Variants in KAZN observed in about 807,000 individuals in gnomAD.
KAZN encodes kazrin.
A neutral mutation model predicts 87.4 loss-of-function variants in KAZN; 40 were observed. The observed-to-expected ratio is 0.46, with a 90% CI of 0.36 to 0.60. The LOEUF (loss-of-function observed/expected upper bound fraction) is 0.60, where lower values mean the gene tolerates loss of function less well. KAZN is among the 20% of genes least tolerant of loss of function. KAZN has a pLI of 0.00. For synonymous variants in KAZN, 466 were observed against 458.3 expected (o/e 1.02, Z -0.22); for missense variants, 898 against 1,073.9 (o/e 0.84, Z 2.29).
At chr1:13,976,377 T>G in intron 1 of KAZN, among the ~76,000 whole-genome samples, 1 of 152,134 alleles carries the variant, frequency 6.6e-6, no homozygotes, top group East Asian at 1.9e-4. Flanking sequence ...ACTCATCAGA[T>G]GAAATGACCT....
At chr1:14,494,720 C>T (rs1397817866) in intron 2 of KAZN, among the ~76,000 whole-genome samples, 1 of 152,318 alleles carries the variant, frequency 6.6e-6, no homozygotes, top group South Asian at 2.1e-4. Context: ...CTCCAGGAAG[C>T]ATTGTTTTTT....
chr1:14,931,004 C>G (rs1354779465), intron 1 of KAZN, among the ~76,000 whole-genome samples: 1 of 152,134 alleles, frequency 6.6e-6, no homozygotes, highest in African/African-American at 2.4e-5. Flanking sequence ...ATGCAGAGCC[C>G]TGAGAGGGAA....
intron 8 of KAZN, among the ~76,000 whole-genome samples, chr1:15,087,354 C>T (rs564232482): frequency 1.0e-4 from 15 of 150,238 alleles, no homozygotes; most frequent in South Asian, 2.1e-4. Context: ...TTTTTTCTAC[C>T]GTCTTCAAAC....
intron 1 of KAZN, among the ~76,000 whole-genome samples, chr1:13,945,535 A>T (rs1641107447): frequency 6.6e-6 from 1 of 151,600 alleles, no homozygotes; most frequent in African/African-American, 2.4e-5. Context: ...AAAAAAAAAA[A>T]GTTCTGTGCA....
intron 1 of KAZN, among the ~76,000 whole-genome samples, chr1:13,922,639 C>T (rs1570285234): frequency 6.6e-6 from 1 of 152,118 alleles, no homozygotes; most frequent in South Asian, 2.1e-4. Flanking sequence ...GCTGGGGTTT[C>T]CTTCTCTCCC....
chr1:14,664,325 C>G (rs536771140), intron 1 of KAZN, among the ~76,000 whole-genome samples: 14 of 152,148 alleles, frequency 9.2e-5, no homozygotes, highest in Admixed American at 2.6e-4. Context: ...CCCAGCTACT[C>G]GGGAGGCTGA....
At chr1:14,572,399 A>G (rs1674925086) in intron 2 of KAZN, among the ~76,000 whole-genome samples, 1 of 152,188 alleles carries the variant, frequency 6.6e-6, no homozygotes, top group Non-Finnish European at 1.5e-5. Flanking sequence ...GGCAATCCCC[A>G]GTCCTTGAGG....
At chr1:14,336,338 A>C (rs771201231) in intron 2 of KAZN, among the ~76,000 whole-genome samples, 1 of 152,238 alleles carries the variant, frequency 6.6e-6, no homozygotes, top group Non-Finnish European at 1.5e-5. Flanking sequence ...CATCATATAA[A>C]TATATCACTG....
intron 1 of KAZN, among the ~76,000 whole-genome samples, chr1:14,647,284 A>G (rs1206879792): frequency 1.3e-5 from 2 of 152,194 alleles, no homozygotes; most frequent in Admixed American, 6.5e-5. Context: ...AAAGAAATCA[A>G]AACCCACACG....
intron 1 of KAZN, among the ~76,000 whole-genome samples, chr1:14,867,724 A>ATCC (rs35065469): frequency 5.3e-4 from 57 of 107,460 alleles, no homozygotes; most frequent in African/African-American, 1.2e-3. Flanking sequence ...CTTTGAAGAC[A>ATCC]CCCCCCCCCC....
chr1:14,981,631 G>T (rs912466927), intron 2 of KAZN, among the ~76,000 whole-genome samples: 1 of 152,212 alleles, frequency 6.6e-6, no homozygotes, highest in Non-Finnish European at 1.5e-5. Context: ...GGAGCCCTGC[G>T]CTAAGCTGCA....
intron 1 of KAZN, among the ~76,000 whole-genome samples, chr1:14,692,845 ATCGCTTGAATCTGGGAGGTGGAGG>A (rs1266452185): frequency 6.6e-6 from 1 of 152,208 alleles, no homozygotes; most frequent in African/African-American, 2.4e-5. Context: ...AGGCATGAGA[ATCGCTTGAATCTGGGAGGTGGAGG>A]TTGCAGTAAG....
intron 2 of KAZN, among the ~76,000 whole-genome samples, chr1:14,538,726 A>G (rs1341690134): frequency 6.6e-6 from 1 of 152,242 alleles, no homozygotes; most frequent in Non-Finnish European, 1.5e-5. Context: ...ATGATTTTAT[A>G]AGGCTACAGG....
chr1:13,910,575 C>T, intron 1 of KAZN, among the ~76,000 whole-genome samples: 1 of 151,972 alleles, frequency 6.6e-6, no homozygotes, highest in East Asian at 2.0e-4. Context: ...TTCCTGGCTC[C>T]CCATTTGCCT....
chr1:14,027,204 C>T (rs963030286), intron 1 of KAZN, among the ~76,000 whole-genome samples: 1 of 152,166 alleles, frequency 6.6e-6, no homozygotes, highest in Non-Finnish European at 1.5e-5. Flanking sequence ...ATCCCATGCT[C>T]AAAGCACCGC....
At chr1:14,867,729 C>CG (rs1353396402) in intron 1 of KAZN, among the ~76,000 whole-genome samples, 6 of 118,634 alleles carry the variant, frequency 5.1e-5, no homozygotes, top group Admixed American at 3.4e-4. Flanking sequence ...AAGACACCCC[C>CG]CCCCCCACCC....
intron 2 of KAZN, among the ~76,000 whole-genome samples, chr1:15,026,044 T>C (rs773163457): frequency 6.6e-6 from 1 of 152,162 alleles, no homozygotes; most frequent in Non-Finnish European, 1.5e-5. Flanking sequence ...AATAAACTGC[T>C]GTCCGCCCAT....
At position 14,236,614 on chromosome 1, in the gene KAZN, A is replaced by T. The variant is rs944763068; in HGVS notation, c.249+56022A>T. The stretch of plus-strand genomic sequence containing the variant: ...TGACTTGAAGCTAATTTCATCCATG[A>T]TCATATTGCATAAAACGTATCGGCC... On this transcript the variant is annotated intron_variant, in intron 2 of 16. Coordinates refer to the KAZN transcript ENST00000636203. 2.6e-5 allele frequency among the ~76,000 whole-genome samples: 4 copies of T among 152,128 alleles called. No individual in the cohort carries two copies. In the East Asian group the frequency reaches 7.7e-4, roughly 29 times the overall value.
chr1:15,059,649 G>C (rs545188183), intron 5 of KAZN, among the ~76,000 whole-genome samples: 1 of 152,252 alleles, frequency 6.6e-6, no homozygotes, highest in East Asian at 1.9e-4. Flanking sequence ...GCTGCCGATT[G>C]GATGTGGGAT....
Sources: gnomAD v4.1 joint callset for allele counts (sites outside exome capture counted in the v4.1 genomes callset) on GRCh38, gnomAD v4.1.1 for gene constraint, MANE v1.5 for transcripts, NCBI Gene and HGNC (gene_info 2026-07-23, HGNC 2026-07-21) for gene names.